Variants in PDE3A observed in about 807,000 individuals in gnomAD.
PDE3A encodes the protein phosphodiesterase 3A.
In PDE3A, 43 loss-of-function variants were observed where a neutral mutation model predicts 98.3. The ratio of observed to expected loss-of-function variants is 0.44; its 90% CI spans 0.34 to 0.56. PDE3A has a LOEUF of 0.56. Ranked by LOEUF, PDE3A falls within the 20% of genes least tolerant of loss-of-function variation. The probability of loss-of-function intolerance (pLI) is 0.01; values close to 1 mark genes in which losing one functional copy is unlikely to be tolerated. For synonymous variants in PDE3A, 663 were observed against 567.9 expected (o/e 1.17, Z -2.38); for missense variants, 1,427 against 1,440.7 (o/e 0.99, Z 0.15).
intron 1 of PDE3A, among the ~76,000 whole-genome samples, chr12:20,398,101 T>C (rs1279038164): frequency 6.6e-6 from 1 of 151,458 alleles, no homozygotes; most frequent in African/African-American, 2.4e-5. Context: ...AGTCTAACGT[T>C]TTCTGGCTGG....
intron 2 of PDE3A, among the ~76,000 whole-genome samples, chr12:20,572,957 A>G (rs1942836962): frequency 6.6e-6 from 1 of 152,092 alleles, no homozygotes; most frequent in African/African-American, 2.4e-5. Flanking sequence ...ATCAGTAACT[A>G]CCAGTCAAAT....
chr12:20,531,066 CT>C (rs1311258480), intron 1 of PDE3A, among the ~76,000 whole-genome samples: 1 of 152,146 alleles, frequency 6.6e-6, no homozygotes, highest in African/African-American at 2.4e-5. Flanking sequence ...AGGGTTCCCC[CT>C]ATCAGGACAT....
rs542820702 is a variant in PDE3A, at chr12:20,684,283, G to T, written c.*4012G>T. 1 of 151,982 alleles carries T rather than the reference G, an allele frequency of 6.6e-6. No homozygotes were observed. Among genetic ancestry groups the T allele is most frequent in the African/African-American group, 2.4e-5 (1 of 41,486 alleles). The allele number at this position is 151,982 out of a possible 1,614,324, so 9.4% of individuals were successfully genotyped here. On this transcript the variant is annotated 3_prime_UTR_variant, in exon 16 of 16. Coordinates refer to ENST00000359062, the MANE Select transcript of PDE3A (RefSeq NM_000921.5). Reference sequence around the variant, plus strand: ...AAATAATAATGGAAACCTCAATAAGGGTCTTGTCCTCTTCTGTCATCCTAA... The same window carrying T: ...AAATAATAATGGAAACCTCAATAAGTGTCTTGTCCTCTTCTGTCATCCTAA...
At position 20,544,304 on chromosome 12, in the gene PDE3A, A is replaced by C. The variant is rs538104370; in HGVS notation, c.961-12356A>C. Among the ~76,000 whole-genome samples the C allele has an allele frequency of 8.6e-5, 13 of 151,680 alleles. No individual in the cohort carries two copies. In the East Asian group the frequency reaches 2.3e-3, roughly 27 times the overall value. On this transcript the variant is annotated intron_variant, in intron 1 of 15. Transcript: ENST00000359062. The stretch of plus-strand genomic sequence containing the variant: ...AATTTGTATTGAGATGTGCTAATAG[A>C]GAATTTGGTATAACTAAACATCTGA...
chr12:20,643,246 C>T (rs543337612), intron 10 of PDE3A, among the ~76,000 whole-genome samples: 1 of 152,264 alleles, frequency 6.6e-6, no homozygotes, highest in African/African-American at 2.4e-5. Flanking sequence ...ATAAGGATAG[C>T]TCTGATAGCA....
At chr12:20,466,240 T>C (rs1945338431) in intron 1 of PDE3A, among the ~76,000 whole-genome samples, 1 of 152,232 alleles carries the variant, frequency 6.6e-6, no homozygotes, top group Admixed American at 6.5e-5. Context: ...AGGATGCTTC[T>C]ACGGAGCACA....
At chr12:20,556,753 C>G (rs777405676) in intron 2 of PDE3A, 43 bp downstream of exon 2, 2 of 1,350,258 alleles carry the variant, frequency 1.5e-6, no homozygotes, top group Non-Finnish European at 2.1e-6. Flanking sequence ...CGTTTCGTAA[C>G]ACTTTCAGCC....
chr12:20,520,928 C>A (rs1379009669), intron 1 of PDE3A, among the ~76,000 whole-genome samples: 1 of 152,144 alleles, frequency 6.6e-6, no homozygotes, highest in Non-Finnish European at 1.5e-5. Context: ...GGGAGGAGAT[C>A]CAGAGGGGAG....
At chr12:20,623,830 A>ATTCTAGAAAGAATTTATGATGGATGTG (rs1565453567) in intron 5 of PDE3A, among the ~76,000 whole-genome samples, 57 of 151,970 alleles carry the variant, frequency 3.8e-4, no homozygotes, top group African/African-American at 1.1e-3. Flanking sequence ...TGATGGATGT[A>ATTCTAGAAAGAATTTATGATGGATGTG]TTCTAGAAAG....
rs1462392641 is a variant in PDE3A at position 20,370,107 on chromosome 12, CTG to C, written c.824_825del (p.Leu275HisfsTer12). ...AAPREHLGSQ[L>X]IAGTKEDIPV... ...TCCAAGGGAGCATTTGGGGTCCCAGCTGATTGCTGGGACCAAGGAAGATATCC... is the reference window on the plus strand; with the variant it reads ...TCCAAGGGAGCATTTGGGGTCCCAGCATTGCTGGGACCAAGGAAGATATCC... On this transcript the variant is annotated frameshift_variant, in exon 1 of 16. Coordinates refer to ENST00000359062, the MANE Select transcript of PDE3A (RefSeq NM_000921.5). LOFTEE classifies it high-confidence loss of function. The C allele has an allele frequency of 1.9e-6, 3 of 1,613,232 alleles. No individual in the cohort carries two copies. Among genetic ancestry groups the C allele is most frequent in the East Asian group, 2.2e-5 (1 of 44,830 alleles).
At chr12:20,514,266 A>G (rs889601696) in intron 1 of PDE3A, among the ~76,000 whole-genome samples, 6 of 152,230 alleles carry the variant, frequency 3.9e-5, no homozygotes, top group African/African-American at 1.4e-4. Flanking sequence ...ATCCTAGGAT[A>G]TTATTGATTA....
At chr12:20,608,469 T>A (rs1352819733) in intron 2 of PDE3A, among the ~76,000 whole-genome samples, 3 of 152,136 alleles carry the variant, frequency 2.0e-5, no homozygotes, top group Non-Finnish European at 4.4e-5. Context: ...GAATGTTGCT[T>A]TTGTTTTCAC....
At chr12:20,519,085 T>C (rs1315899466) in intron 1 of PDE3A, among the ~76,000 whole-genome samples, 1 of 152,226 alleles carries the variant, frequency 6.6e-6, no homozygotes, top group African/African-American at 2.4e-5. Context: ...AGGAAGTATA[T>C]GATTATGTAG....
chr12:20,658,589 G>A (rs945131080), intron 15 of PDE3A, among the ~76,000 whole-genome samples: 2 of 152,164 alleles, frequency 1.3e-5, no homozygotes, highest in Non-Finnish European at 2.9e-5. Flanking sequence ...TAGTGAAAAA[G>A]TGCTGGAGGA....
chr12:20,543,278 C>A (rs1378358089), intron 1 of PDE3A, among the ~76,000 whole-genome samples: 1 of 150,710 alleles, frequency 6.6e-6, no homozygotes, highest in Non-Finnish European at 1.5e-5. Context: ...TTTAAACAGG[C>A]CTAACTATCA....
At chr12:20,449,084 A>T (rs1005882510) in intron 1 of PDE3A, among the ~76,000 whole-genome samples, 1 of 152,220 alleles carries the variant, frequency 6.6e-6, no homozygotes, top group African/African-American at 2.4e-5. Flanking sequence ...TAGCTAAAAA[A>T]ATGTATTGCA....
intron 1 of PDE3A, among the ~76,000 whole-genome samples, chr12:20,509,421 C>G (rs1026581172): frequency 2.0e-5 from 3 of 151,984 alleles, no homozygotes; most frequent in Non-Finnish European, 4.4e-5. Flanking sequence ...ACATTAGTTT[C>G]TGTTGCCCTA....
intron 1 of PDE3A, among the ~76,000 whole-genome samples, chr12:20,395,363 G>A (rs1433300938): frequency 6.6e-6 from 1 of 151,714 alleles, no homozygotes; most frequent in Non-Finnish European, 1.5e-5. Context: ...TGGTTATACA[G>A]AGAGTGAGAT....
intron 6 of PDE3A, among the ~76,000 whole-genome samples, chr12:20,630,741 G>A (rs910522470): frequency 3.9e-5 from 6 of 152,088 alleles, no homozygotes; most frequent in African/African-American, 1.2e-4. Context: ...ATGTTGTCAC[G>A]AAGAAATAAT....
Sources: gnomAD v4.1 joint callset for allele counts (sites outside exome capture counted in the v4.1 genomes callset) on GRCh38, gnomAD v4.1.1 for gene constraint, MANE v1.5 for transcripts, NCBI Gene and HGNC (gene_info 2026-07-23, HGNC 2026-07-21) for gene names.